The following GABRB2 variants were observed in gnomAD, a reference collection of about 807,000 sequenced individuals.
The protein encoded by GABRB2 is gamma-aminobutyric acid type A receptor subunit beta2, also known as gamma-aminobutyric acid receptor subunit beta-2.
A neutral mutation model predicts 54.7 loss-of-function variants in GABRB2; 16 were observed. The observed-to-expected ratio is 0.29, with a 90% confidence interval of 0.20 to 0.44. The LOEUF (loss-of-function observed/expected upper bound fraction) is 0.44, where lower values mean the gene tolerates loss of function less well. Among genes scored for constraint, GABRB2 ranks in the 20% least tolerant of loss-of-function variants. GABRB2 has a pLI of 1.00. For synonymous variants in GABRB2, 244 were observed against 233.8 expected (o/e 1.04, Z -0.40); for missense variants, 355 against 644.0 (o/e 0.55, Z 4.86).
At chr5:161,376,113 C>T (rs552601616) in intron 5 of GABRB2, among the ~76,000 whole-genome samples, 1 of 152,202 alleles carries the variant, frequency 6.6e-6, no homozygotes, top group East Asian at 1.9e-4. Flanking sequence ...TTAAATGGTT[C>T]TGCATTCATC....
Position 161,288,899 on chromosome 5 carries a change from T to C in GABRB2, c.*5182A>G, listed in dbSNP as rs1757158243. The C allele has an allele frequency of 6.6e-6, 1 of 152,170 alleles. No individual in the cohort carries two copies. The highest frequency in any genetic ancestry group is 1.5e-5 in the Non-Finnish European group (1 of 68,028). The allele number at this position is 152,170 out of a possible 1,614,324, so 9.4% of individuals were successfully genotyped here. On this transcript the variant is annotated 3_prime_UTR_variant, in exon 10 of 10. Transcript: ENST00000393959. ...TAAATTAAACTATAGGCAACTTTGT[T>C]GGGATTAATTATGTTTAAAATGACG... is the stretch of plus-strand genomic sequence containing the variant.
intron 3 of GABRB2, among the ~76,000 whole-genome samples, chr5:161,461,529 C>G (rs1308702979): frequency 6.6e-6 from 1 of 152,114 alleles, no homozygotes; most frequent in African/African-American, 2.4e-5. Flanking sequence ...ATGTACAACT[C>G]AAATGCAATT....
intron 3 of GABRB2, among the ~76,000 whole-genome samples, chr5:161,502,654 T>C (rs1403733383): frequency 6.6e-6 from 1 of 152,166 alleles, no homozygotes; most frequent in Non-Finnish European, 1.5e-5. Context: ...TTGAGGTTCG[T>C]AAACACCACG....
chr5:161,452,310 G>C (rs1460994779), intron 4 of GABRB2, among the ~76,000 whole-genome samples: 1 of 152,172 alleles, frequency 6.6e-6, no homozygotes, highest in Non-Finnish European at 1.5e-5. Context: ...CAAAGTCACA[G>C]AATTAATGGG....
intron 9 of GABRB2, among the ~76,000 whole-genome samples, chr5:161,309,968 A>T (rs1757813395): frequency 6.6e-6 from 1 of 152,154 alleles, no homozygotes; most frequent in Non-Finnish European, 1.5e-5. Context: ...TATACTCTGG[A>T]ATACTATGCA....
chr5:161,451,807 CTACATATA>C (rs1757795697), intron 4 of GABRB2, among the ~76,000 whole-genome samples: 1 of 151,912 alleles, frequency 6.6e-6, no homozygotes, highest in Non-Finnish European at 1.5e-5. Context: ...TCATAATAAA[CTACATATA>C]TACATTTTTA....
At chr5:161,453,066 T>A in intron 4 of GABRB2, among the ~76,000 whole-genome samples, 1 of 152,186 alleles carries the variant, frequency 6.6e-6, no homozygotes, top group Non-Finnish European at 1.5e-5. Flanking sequence ...TCTAATTGGG[T>A]CAATGTTATT....
chr5:161,435,719 T>C (rs1757288285), intron 4 of GABRB2, among the ~76,000 whole-genome samples: 1 of 152,180 alleles, frequency 6.6e-6, no homozygotes, highest in Non-Finnish European at 1.5e-5. Context: ...CTCATATTTC[T>C]ACAAGCACAT....
chr5:161,497,145 C>T (rs1417876331), intron 3 of GABRB2, among the ~76,000 whole-genome samples: 1 of 152,076 alleles, frequency 6.6e-6, no homozygotes, highest in African/African-American at 2.4e-5. Context: ...TCTATGGGAG[C>T]TCTTGCATTA....
In GABRB2 at chr5:161,291,669, T is replaced by A. The variant is rs913810383; in HGVS notation, c.*2412A>T. On this transcript the variant is annotated 3_prime_UTR_variant, in exon 10 of 10. Transcript: ENST00000393959. ...GCAAAGATGCTTCTCTACACTTTGA[T>A]CTGGATTGTTCTGTTGACTTTCTTG... is the stretch of plus-strand genomic sequence containing the variant. 6.6e-6 allele frequency: 1 copy of A among 152,606 alleles called. No homozygotes were observed. Among genetic ancestry groups the A allele is most frequent in the South Asian group, 2.1e-4 (1 of 4,834 alleles). The allele number at this position is 152,606 out of a possible 1,614,324, so 9.5% of individuals were successfully genotyped here.
chr5:161,299,354 A>G (rs1757470869), intron 9 of GABRB2, among the ~76,000 whole-genome samples: 1 of 152,148 alleles, frequency 6.6e-6, no homozygotes, highest in South Asian at 2.1e-4. Flanking sequence ...TTTCTGAGCC[A>G]ATGGCATGCC....
intron 9 of GABRB2, among the ~76,000 whole-genome samples, chr5:161,309,229 A>G (rs531247254): frequency 5.3e-5 from 8 of 152,286 alleles, no homozygotes; most frequent in African/African-American, 1.2e-4. Flanking sequence ...AAGAAGACAC[A>G]CATATGGCCA....
At chr5:161,334,931 C>T (rs749563365) in intron 6 of GABRB2, 27 bp from the exon 7 acceptor site, 3 of 1,605,190 alleles carry the variant, frequency 1.9e-6, no homozygotes, top group Non-Finnish European at 2.6e-6. Flanking sequence ...AGAACATCAT[C>T]ATTATCAATC....
intron 9 of GABRB2, among the ~76,000 whole-genome samples, chr5:161,321,704 G>A (rs1163116091): frequency 2.0e-5 from 3 of 151,972 alleles, no homozygotes; most frequent in Non-Finnish European, 1.5e-5. Flanking sequence ...ATTGTCTAAC[G>A]ATATTTAATA....
chr5:161,336,921 T>C, intron 5 of GABRB2, 152 bp from the exon 6 acceptor site: 5 of 812,574 alleles, frequency 6.2e-6, no homozygotes, highest in Non-Finnish European at 9.3e-6. Flanking sequence ...GGTATCATAC[T>C]AAACATTTCA....
chr5:161,361,373 T>G (rs545549755), intron 5 of GABRB2, among the ~76,000 whole-genome samples: 3 of 152,268 alleles, frequency 2.0e-5, no homozygotes, highest in Admixed American at 6.5e-5. Context: ...GAAATAATCC[T>G]TATCTTTTGG....
intron 4 of GABRB2, among the ~76,000 whole-genome samples, chr5:161,444,357 C>T (rs1396926140): frequency 6.6e-6 from 1 of 152,142 alleles, no homozygotes; most frequent in East Asian, 1.9e-4. Flanking sequence ...TTGAACTTAG[C>T]TGTAATGAAG....
chr5:161,451,870 G>C (rs901286455), intron 4 of GABRB2, among the ~76,000 whole-genome samples: 8 of 152,040 alleles, frequency 5.3e-5, no homozygotes, highest in African/African-American at 1.9e-4. Flanking sequence ...CCAAGGTGGT[G>C]GTTATCTCTG....
At chr5:161,389,728 A>G (rs991018778) in intron 5 of GABRB2, among the ~76,000 whole-genome samples, 2 of 152,058 alleles carry the variant, frequency 1.3e-5, no homozygotes, top group East Asian at 3.9e-4. Context: ...TTTCACCAAT[A>G]TAATATCAGT....
Sources: gnomAD v4.1 joint callset for allele counts (sites outside exome capture counted in the v4.1 genomes callset) on GRCh38, gnomAD v4.1.1 for gene constraint, MANE v1.5 for transcripts, NCBI Gene and HGNC (gene_info 2026-07-23, HGNC 2026-07-21) for gene names.